The following ANXA4 variants were observed in gnomAD, a reference collection of about 807,000 sequenced individuals.
ANXA4 encodes the protein 35-beta calcimedin.
A neutral mutation model predicts 49.8 loss-of-function variants in ANXA4; 39 were observed. The observed-to-expected ratio is 0.78, with a 90% CI of 0.61 to 1.02. The LOEUF (loss-of-function observed/expected upper bound fraction) is 1.02. ANXA4 is among the 50% of genes least tolerant of loss of function. The pLI is 0.00. For missense variants in ANXA4, 360 were observed against 410.1 expected (o/e 0.88, Z 1.05); for synonymous variants, 134 against 152.5 (o/e 0.88, Z 0.89).
intron 6 of ANXA4, chr2:69,808,446 T>C (rs1673545252): frequency 6.4e-6 from 1 of 157,478 alleles, no homozygotes; most frequent in Admixed American, 6.2e-5. Context: ...CAGAGGGTGA[T>C]ACGTATGAAG....
intron 8 of ANXA4, among the ~76,000 whole-genome samples, chr2:69,814,342 C>CTTTTTTTTTTTTTT (rs781253870): frequency 8.2e-5 from 8 of 97,304 alleles, no homozygotes; most frequent in African/African-American, 2.2e-4. Context: ...GTATTTTATT[C>CTTTTTTTTTTTTTT]TTTTTTTTTT....
At chr2:69,684,514 C>G (rs1219707232) in intron 2 of ANXA4, among the ~76,000 whole-genome samples, 1 of 149,042 alleles carries the variant, frequency 6.7e-6, no homozygotes, top group Non-Finnish European at 1.5e-5. Flanking sequence ...GAGATCCCAT[C>G]TCTACAAAAA....
Position 69,782,050 on chromosome 2 carries a change from T to C in ANXA4, c.9+476T>C, listed in dbSNP as rs114382979. On this transcript the variant is annotated intron_variant, in intron 2 of 12. Coordinates refer to ENST00000394295, the MANE Select transcript of ANXA4 (RefSeq NM_001153.5). ...TCAGACACCTTGGACCTTGGTTATT[T>C]GCTCTTTGGAACAAGCATCGAATTG... Among the ~76,000 whole-genome samples the C allele has an allele frequency of 3.7e-3, 559 of 152,286 alleles. 4 individuals are homozygous for C. The highest frequency in any genetic ancestry group is 0.013 in the African/African-American group (534 of 41,564).
intron 1 of ANXA4, among the ~76,000 whole-genome samples, chr2:69,767,332 T>C (rs1384318686): frequency 5.9e-5 from 9 of 152,206 alleles, no homozygotes; most frequent in African/African-American, 2.2e-4. Context: ...GTTTCGACAC[T>C]GGATTCAGAT....
upstream of ANXA4, among the ~76,000 whole-genome samples, chr2:69,737,923 C>T (rs943073169): frequency 3.3e-5 from 5 of 152,032 alleles, no homozygotes; most frequent in African/African-American, 7.2e-5. Context: ...TGATGACCTT[C>T]AGCTGCCTGC....
chr2:69,805,377 G>A (rs751715055), intron 4 of ANXA4, among the ~76,000 whole-genome samples: 1 of 152,134 alleles, frequency 6.6e-6, no homozygotes, highest in Non-Finnish European at 1.5e-5. Context: ...GCCGAGGCGA[G>A]TGGATCACTT....
upstream of ANXA4, among the ~76,000 whole-genome samples, chr2:69,737,934 T>G (rs1670285027): frequency 6.6e-6 from 1 of 152,132 alleles, no homozygotes; most frequent in Non-Finnish European, 1.5e-5. Flanking sequence ...AGCTGCCTGC[T>G]CTTACTTAAG....
chr2:69,726,223 C>G (rs1199519044), intron 3 of ANXA4, among the ~76,000 whole-genome samples: 2 of 152,146 alleles, frequency 1.3e-5, no homozygotes, highest in African/African-American at 4.8e-5. Context: ...CACTTCCCCC[C>G]TCACTCTCTC....
chr2:69,774,327 GCC>G (rs71397354), intron 1 of ANXA4, among the ~76,000 whole-genome samples: 22,363 of 89,090 alleles, frequency 0.25, 3,030 homozygotes, highest in East Asian at 0.46. Context: ...TGTAAAAGGA[GCC>G]CCCCCCCCCC....
intron 8 of ANXA4, among the ~76,000 whole-genome samples, chr2:69,813,753 TCTCTC>T (rs1329278966): frequency 8.6e-5 from 11 of 127,404 alleles, no homozygotes; most frequent in African/African-American, 2.2e-4. Context: ...TCTCTCTCTC[TCTCTC>T]TTTTTTTTTT....
chr2:69,816,881 A>T (rs912045521), intron 9 of ANXA4: 1 of 152,214 alleles, frequency 6.6e-6, no homozygotes, highest in Non-Finnish European at 1.5e-5. Flanking sequence ...TACCCTTTTA[A>T]TCACACACAC....
intron 1 of ANXA4, among the ~76,000 whole-genome samples, chr2:69,746,175 C>T (rs1258843960): frequency 6.6e-6 from 1 of 152,058 alleles, no homozygotes; most frequent in African/African-American, 2.4e-5. Context: ...CCATGCCAGG[C>T]TAATTTTTGT....
intron 11 of ANXA4, 107 bp downstream of exon 11, chr2:69,819,445 T>C (rs1029277159): frequency 1.7e-5 from 13 of 745,910 alleles, no homozygotes; most frequent in Middle Eastern, 2.8e-4. Context: ...AAGATCCAAT[T>C]CAATTCATCA....
intron 1 of ANXA4, among the ~76,000 whole-genome samples, chr2:69,742,571 T>A (rs1670441648): frequency 6.6e-6 from 1 of 152,226 alleles, no homozygotes; most frequent in Non-Finnish European, 1.5e-5. Flanking sequence ...ACTTTTTAAT[T>A]CTTTACTCCA....
intron 2 of ANXA4, among the ~76,000 whole-genome samples, chr2:69,675,713 G>A (rs1441313470): frequency 1.3e-5 from 2 of 152,132 alleles, no homozygotes; most frequent in African/African-American, 2.4e-5. Flanking sequence ...ATGATTCACA[G>A]CAACGTGAAC....
chr2:69,757,390 C>A (rs1256763764), intron 1 of ANXA4, among the ~76,000 whole-genome samples: 4 of 146,452 alleles, frequency 2.7e-5, no homozygotes, highest in Non-Finnish European at 6.0e-5. Flanking sequence ...CCTGCCCCAG[C>A]CTCCCTAGTA....
chr2:69,804,159 A>AAAAAAC lies in ANXA4; in HGVS notation c.98-374_98-373insAAAAAC, dbSNP rs869141655. On this transcript the variant is annotated intron_variant, in intron 3 of 12. Coordinates refer to ENST00000394295, the MANE Select transcript of ANXA4 (RefSeq NM_001153.5). Reference sequence around the variant, plus strand: ...TCTCAAAAAAAAAAAAAAAAAAAAAATATTCTAGAGGAGAGAAAAAATTAC... The same window carrying AAAAAAC: ...TCTCAAAAAAAAAAAAAAAAAAAAAAAAAAACTATTCTAGAGGAGAGAAAAAATTAC... Among the ~76,000 whole-genome samples, 28 of 145,252 alleles carry AAAAAAC rather than the reference A, an allele frequency of 1.9e-4. 1 individual carries two copies. The highest frequency in any genetic ancestry group is 6.7e-4 in the African/African-American group (25 of 37,084).
At chr2:69,779,107 CAAAAAAAAAAAAAAA>C (rs70954359) in intron 1 of ANXA4, among the ~76,000 whole-genome samples, 3 of 45,446 alleles carry the variant, frequency 6.6e-5, no homozygotes, top group Non-Finnish European at 9.4e-5. Context: ...CACTCTGCCT[CAAAAAAAAAAAAAAA>C]AAAAAAAAAA....
At chr2:69,656,459 C>T (rs1488021287) in intron 2 of ANXA4, among the ~76,000 whole-genome samples, 2 of 146,100 alleles carry the variant, frequency 1.4e-5, no homozygotes, top group East Asian at 2.0e-4. Context: ...TGGTCATAAC[C>T]GCTGAACTAC....
Sources: gnomAD v4.1 joint callset for allele counts (sites outside exome capture counted in the v4.1 genomes callset) on GRCh38, gnomAD v4.1.1 for gene constraint, MANE v1.5 for transcripts, NCBI Gene and HGNC (gene_info 2026-07-23, HGNC 2026-07-21) for gene names.